CDHR5: variants seen among roughly 807,000 people sequenced by gnomAD.
CDHR5 encodes the protein cadherin related family member 5, also known as cadherin-related family member 5.
CDHR5 carries 82 observed loss-of-function variants against 69.5 expected under a neutral mutation model. The ratio of observed to expected loss-of-function variants is 1.18; its 90% CI spans 0.99 to 1.42. The LOEUF is 1.42. Among genes scored for constraint, CDHR5 ranks in the 40% most tolerant of loss-of-function variants. The pLI is 0.00. For missense variants in CDHR5, 1,293 were observed against 1,168.9 expected (o/e 1.11, Z -1.55); for synonymous variants, 601 against 510.2 (o/e 1.18, Z -2.40).
chr11:617,626 G>C lies in CDHR5; in HGVS notation c.2263C>G (p.Pro755Ala). The change falls in exon 15 of 15, where the codon CCA becomes GCA. Residue 755 changes from proline (P) to alanine (A), a missense_variant. By Grantham distance (27) the Pro-to-Ala change is conservative. Coordinates refer to ENST00000397542, the MANE Select transcript of CDHR5 (RefSeq NM_021924.5). ...GCGGGGGGCTCAGGGGCACCGCCTGGGGAGGCAGGGCCGGGGGGTGCGGGC... is the reference window on the plus strand; with the variant it reads ...GCGGGGGGCTCAGGGGCACCGCCTGCGGAGGCAGGGCCGGGGGGTGCGGGC... ...AEPAPPGPAS[P>A]GGAPEPPAAA... 6.3e-7 allele frequency: 1 copy of C among 1,588,592 alleles called. No homozygotes were observed. The highest frequency in any genetic ancestry group is 1.1e-5 in the South Asian group (1 of 89,382).
At chr11:623,734 C>A (rs539142942) in intron 3 of CDHR5, among the ~76,000 whole-genome samples, 6 of 151,964 alleles carry the variant, frequency 3.9e-5, no homozygotes, top group Non-Finnish European at 7.4e-5. Context: ...GGACTGGGGC[C>A]AGCAAAGGGC....
rs114015703 is a variant in CDHR5 at position 624,667 on chromosome 11, C to A, written c.151G>T (p.Asp51Tyr). ...TCCTGGCCCTCCGGGACGTGGATGT[C>A]CACCAGCGGCTCGGTGACATTTGTG... is the stretch of plus-strand genomic sequence containing the variant. ...ENTNVTEPLV[D>Y]IHVPEGQEVT... Residue 51 changes from aspartate to tyrosine, a missense_variant, in exon 2 of 15, where the codon GAC becomes TAC. Physicochemically the swap from Asp to Tyr is radical, Grantham distance 160 (BLOSUM62 -3). Coordinates refer to ENST00000397542, the MANE Select transcript of CDHR5 (RefSeq NM_021924.5). The surrounding 1 kb of genome is among the most constrained non-coding windows in gnomAD (Gnocchi z 5.3). The A allele has an allele frequency of 3.0e-5, 49 of 1,613,526 alleles. No homozygotes were observed. The African/African-American group carries it at 5.9e-4, about 19-fold the overall frequency.
At chr11:622,840 C>G (rs1857498166) in intron 3 of CDHR5, among the ~76,000 whole-genome samples, 1 of 152,136 alleles carries the variant, frequency 6.6e-6, no homozygotes, top group South Asian at 2.1e-4. Flanking sequence ...CGGTCACTTT[C>G]TACCTCAAAT....
chr11:624,225 G>C lies in CDHR5; in HGVS notation c.300C>G (p.Ser100Arg), dbSNP rs114057528. 4 of 768,060 alleles carry C rather than the reference G, an allele frequency of 5.2e-6. No individual in the cohort carries two copies. In the South Asian group the frequency reaches 5.5e-5, roughly 11 times the overall value. The allele number at this position is 768,060 out of a possible 1,614,324, so 47.6% of individuals were successfully genotyped here. Residue 100 changes from serine (S) to arginine (R), a missense_variant, in exon 3 of 15, where the codon AGC becomes AGG. Transcript: ENST00000397542. This position sits in a 1 kb window ranked among gnomAD's most constrained non-coding sequence, Gnocchi z 5.3. ...GGCGGGGACTCACCAATGTGCCTCC[G>C]CTCTGACACAGCAGCTGAGCCTCAA... The part of the protein sequence containing the change: ...SLLEAQLLCQ[S>R]GGTLVTQLRV...
In CDHR5 at chr11:617,308, C is replaced by T; in HGVS notation, c.*43G>A. ...CGGGTCGGAGGCTGGGGGAGCGAGA[C>T]CTCCAGTGCCCGTGCGGCTGGGGGA... On this transcript the variant is annotated 3_prime_UTR_variant, in exon 15 of 15. Coordinates refer to ENST00000397542, the MANE Select transcript of CDHR5 (RefSeq NM_021924.5). The T allele has an allele frequency of 6.9e-7, 1 of 1,442,964 alleles. No homozygotes were observed. The highest frequency in any genetic ancestry group is 9.6e-7 in the Non-Finnish European group (1 of 1,046,012). The allele number at this position is 1,442,964 out of a possible 1,614,324, so 89.4% of individuals were successfully genotyped here.
chr11:621,184 G>C lies in CDHR5; in HGVS notation c.685C>G (p.Pro229Ala). ...ATATLVLNVVPADLRPPWFLP... is the reference protein window; with the variant it reads ...ATATLVLNVVAADLRPPWFLP... ...AACCACGGGGGCCGCAGGTCGGCGGGCACCACGTTCAGCACTAGTGTGGCG... is the reference window on the plus strand; with the variant it reads ...AACCACGGGGGCCGCAGGTCGGCGGCCACCACGTTCAGCACTAGTGTGGCG... The change falls in exon 7 of 15, where the codon CCC becomes GCC. Residue 229 changes from proline to alanine, a missense_variant. Transcript: ENST00000397542. The surrounding 1 kb of genome is among the most constrained non-coding windows in gnomAD (Gnocchi z 4.4). The C allele has an allele frequency of 6.2e-7, 1 of 1,605,802 alleles. No individual in the cohort carries two copies. The highest frequency in any genetic ancestry group is 8.5e-7 in the Non-Finnish European group (1 of 1,175,760).
intron 13 of CDHR5, 90 bp from the exon 14 acceptor site, chr11:618,201 T>A: frequency 1.8e-6 from 2 of 1,136,974 alleles, no homozygotes; most frequent in Non-Finnish European, 1.3e-6. Flanking sequence ...TTGGGACACT[T>A]GGGTTCCACC....
At chr11:619,656 G>T (rs74606079) in intron 10 of CDHR5, 25 bp downstream of exon 10, 2 of 1,611,576 alleles carry the variant, frequency 1.2e-6, no homozygotes, top group South Asian at 1.1e-5. Context: ...ACCCACAGAG[G>T]GGAGGCCTTG....
rs748942695 is a variant in CDHR5 at position 621,829 on chromosome 11, C to T, written c.388G>A (p.Glu130Lys). Reference sequence around the variant, plus strand: ...GGCCTCACCTCCTCCACCCTTATCTCCTTGGTCTTAAAGGGGAATTCGGGG... The same window carrying T: ...GGCCTCACCTCCTCCACCCTTATCTTCTTGGTCTTAAAGGGGAATTCGGGG... Reference protein sequence around the residue: ...NAPEFPFKTKEIRVEEDTKVN... With the variant: ...NAPEFPFKTKKIRVEEDTKVN... The change falls in exon 4 of 15, where the codon GAG (glutamate) becomes AAG (lysine). Residue 130 changes from glutamate to lysine, a missense_variant. Physicochemically the swap from Glu to Lys is moderately conservative, Grantham distance 56. Transcript: ENST00000397542. The surrounding 1 kb of genome is among the most constrained non-coding windows in gnomAD (Gnocchi z 4.4). 1.2e-6 allele frequency: 2 copies of T among 1,613,594 alleles called. No individual in the cohort carries two copies. Among genetic ancestry groups the T allele is most frequent in the South Asian group, 1.1e-5 (1 of 91,064 alleles).
chr11:624,818 A>G lies in CDHR5; in HGVS notation c.85T>C (p.Tyr29His), dbSNP rs137883594. 1 of 1,609,314 alleles carries G rather than the reference A, an allele frequency of 6.2e-7. No homozygotes were observed. The highest frequency in any genetic ancestry group is 8.5e-7 in the Non-Finnish European group (1 of 1,178,178). Reference protein sequence around the residue: ...RPPGTMAQAQYCSVNKDIFEV... With the variant: ...RPPGTMAQAQHCSVNKDIFEV... ...CCCACCTACCCCTGCCCGCACATACACTGGGCCTGGGCCATGGTCCCCGGG... is the reference window on the plus strand; with the variant it reads ...CCCACCTACCCCTGCCCGCACATACGCTGGGCCTGGGCCATGGTCCCCGGG... Residue 29 changes from tyrosine to histidine, a missense_variant and splice_region_variant, in exon 1 of 15, where the codon TAC becomes CAC. Coordinates refer to ENST00000397542, the MANE Select transcript of CDHR5 (RefSeq NM_021924.5). This position sits in a 1 kb window ranked among gnomAD's most constrained non-coding sequence, Gnocchi z 5.3.
At chr11:623,812 A>G (rs1432488611) in intron 3 of CDHR5, among the ~76,000 whole-genome samples, 2 of 151,840 alleles carry the variant, frequency 1.3e-5, no homozygotes, top group East Asian at 3.9e-4. Context: ...CCCTGATGGG[A>G]CTGGAGGTGG....
At chr11:622,453 T>G (rs553728604) in intron 3 of CDHR5, among the ~76,000 whole-genome samples, 47 of 151,330 alleles carry the variant, frequency 3.1e-4, no homozygotes, top group African/African-American at 1.0e-3. Flanking sequence ...TTTGTTTTTG[T>G]TTTTTGGTTT....
intron 3 of CDHR5, among the ~76,000 whole-genome samples, chr11:623,241 G>T (rs772959691): frequency 6.6e-6 from 1 of 152,110 alleles, no homozygotes; most frequent in African/African-American, 2.4e-5. Context: ...CCCGGGAGGC[G>T]GAAGTTGCAG....
In CDHR5 at chr11:621,312, G is replaced by A. The variant is rs1221149151; in HGVS notation, c.618+33C>T. 15 of 1,611,472 alleles carry A rather than the reference G, an allele frequency of 9.3e-6. No individual in the cohort carries two copies. The highest frequency in any genetic ancestry group is 5.3e-5 in the African/African-American group (4 of 74,890). Reference sequence around the variant, plus strand: ...CAGCTGGGGCCGGGGGGCCTCAAGTGTGTGGGACTCGGGGCTGGGGTGACC... The same window carrying A: ...CAGCTGGGGCCGGGGGGCCTCAAGTATGTGGGACTCGGGGCTGGGGTGACC... On this transcript the variant is annotated intron_variant, in intron 6 of 14. Coordinates refer to ENST00000397542, the MANE Select transcript of CDHR5 (RefSeq NM_021924.5). The surrounding 1 kb of genome is among the most constrained non-coding windows in gnomAD (Gnocchi z 4.4).
chr11:618,572 G>C, intron 13 of CDHR5, 27 bp downstream of exon 13: 1 of 1,612,102 alleles, frequency 6.2e-7, no homozygotes, highest in Non-Finnish European at 8.5e-7. Context: ...CGGAGTCAGG[G>C]AGGGAAGGCA....
rs373354931 is a variant in CDHR5, at chr11:619,466, C to A, written c.1293+8G>T. ...CCCTTGGAGATGCCCGCCTGCCCTG[C>A]CCCGCACCTCTGCGTAGAAGGCTCC... On this transcript the variant is annotated splice_region_variant and intron_variant, in intron 11 of 14. Transcript: ENST00000397542. 2.3e-4 allele frequency: 374 copies of A among 1,609,258 alleles called. No individual in the cohort carries two copies. Among genetic ancestry groups the A allele is most frequent in the Admixed American group, 3.0e-4 (18 of 60,000 alleles).
rs367555780 is a variant in CDHR5 at position 621,785 on chromosome 11, C to G, written c.405+27G>C. ...CCCTGGGCTCCCACACCCCCGTGCC[C>G]AGTCCCCGCGGCTTCGCTGGCCTCA... On this transcript the variant is annotated intron_variant, in intron 4 of 14. Transcript: ENST00000397542. The surrounding 1 kb of genome is among the most constrained non-coding windows in gnomAD (Gnocchi z 4.4). 4 of 1,600,898 alleles carry G rather than the reference C, an allele frequency of 2.5e-6. No homozygotes were observed. Among genetic ancestry groups the G allele is most frequent in the Non-Finnish European group, 3.4e-6 (4 of 1,169,252 alleles).
At chr11:617,853 C>T (rs1046282436) in intron 14 of CDHR5, 83 bp from the exon 15 acceptor site, 15 of 1,494,012 alleles carry the variant, frequency 1.0e-5, no homozygotes, top group Admixed American at 4.1e-5. Context: ...ACGCTGGACA[C>T]CCCTCCGTCT....
At chr11:622,392 G>A (rs1374699647) in intron 3 of CDHR5, among the ~76,000 whole-genome samples, 4 of 151,972 alleles carry the variant, frequency 2.6e-5, no homozygotes, top group African/African-American at 7.2e-5. Context: ...AGAATCTCAG[G>A]TGAGGAAAGA....
Sources: allele counts gnomAD v4.1 joint callset (sites outside exome capture counted in the v4.1 genomes callset), GRCh38; gene constraint gnomAD v4.1.1; non-coding constraint Gnocchi (gnomAD v3.1); transcripts MANE v1.5; gene names NCBI Gene and HGNC (gene_info 2026-07-23, HGNC 2026-07-21).